GABRQ: variants seen among roughly 807,000 people sequenced by gnomAD.
GABRQ encodes the protein gamma-aminobutyric acid receptor subunit theta.
GABRQ carries 19 observed loss-of-function variants against 30.5 expected under a neutral mutation model. The ratio of observed to expected loss-of-function variants is 0.62; its 90% confidence interval spans 0.43 to 0.91. The LOEUF (loss-of-function observed/expected upper bound fraction) is 0.91. Among genes scored for constraint, GABRQ ranks in the 40% least tolerant of loss-of-function variants. The pLI, the probability that GABRQ is intolerant of heterozygous loss-of-function variation, is 0.00. For missense variants in GABRQ, 520 were observed against 521.4 expected, an observed-to-expected ratio of 1.00 and a Z score of 0.03; for synonymous variants, 187 against 210.2, an observed-to-expected ratio of 0.89 and a Z score of 0.95.
chrX:152,639,239 T>C (rs782245692), intron 1 of GABRQ, among the ~76,000 whole-genome samples: 1 of 98,961 alleles, frequency 1.0e-5, no homozygotes, highest in Non-Finnish European at 2.0e-5. Flanking sequence ...TTTTTAACAA[T>C]GTTTAAATGG....
At position 152,652,734 on chromosome X, in the gene GABRQ, G is replaced by A; in HGVS notation, c.1352G>A (p.Ser451Asn). Residue 451 changes from serine to asparagine, a missense_variant, in exon 9 of 9, where the codon AGC becomes AAC. Physicochemically the swap from Ser to Asn is conservative, Grantham distance 46. Coordinates refer to ENST00000598523, the MANE Select transcript of GABRQ (RefSeq NM_018558.4). ...CCCCTGGCCACTGGAGAAAGCCTGAGCGATCTCCCCTCCACCTCAGAGCAG... is the reference window on the plus strand; with the variant it reads ...CCCCTGGCCACTGGAGAAAGCCTGAACGATCTCCCCTCCACCTCAGAGCAG... ...QAPLATGESL[S>N]DLPSTSEQAR... The A allele has an allele frequency of 8.3e-7, 1 of 1,211,621 alleles. No homozygotes were observed. The highest frequency in any genetic ancestry group is 1.1e-6 in the Non-Finnish European group (1 of 894,983).
At chrX:152,641,237 C>G (rs1314741891) in intron 2 of GABRQ, among the ~76,000 whole-genome samples, 1 of 111,959 alleles carries the variant, frequency 8.9e-6, no homozygotes, top group Non-Finnish European at 1.9e-5. Context: ...GACAGGCAAC[C>G]TACCCTGACC....
intron 8 of GABRQ, among the ~76,000 whole-genome samples, chrX:152,652,139 T>C (rs1931038136): frequency 8.9e-6 from 1 of 112,703 alleles, no homozygotes; most frequent in Admixed American, 9.3e-5. Flanking sequence ...CTGGCCTACC[T>C]ACCCCTCCTT....
chrX:152,640,288 T>G, intron 1 of GABRQ, 90 bp from the exon 2 acceptor site: 1 of 575,721 alleles, frequency 1.7e-6, no homozygotes, highest in Admixed American at 2.2e-5. Flanking sequence ...TGTCTGCGTA[T>G]GTGCTGGAGA....
rs1931096153 is a variant in GABRQ at position 152,653,935 on chromosome X, G to A, written c.*654G>A. On this transcript the variant is annotated 3_prime_UTR_variant, in exon 9 of 9. Transcript: ENST00000598523. ...GTGGTGTTTTGATGCAAGCGTGGAA[G>A]GGGAATGTGGGTGGATGGGGCTGCA... 8.9e-6 allele frequency: 1 copy of A among 111,767 alleles called. No individual in the cohort carries two copies. Among genetic ancestry groups the A allele is most frequent in the Non-Finnish European group, 1.9e-5 (1 of 53,147 alleles). The allele number at this position is 111,767 out of a possible 1,213,427, so 9.2% of individuals were successfully genotyped here. A position where few individuals can be genotyped will look rare whatever the true frequency, so the allele number is the denominator to read the frequency against.
At chrX:152,649,050 T>C (rs1930954478) in intron 4 of GABRQ, among the ~76,000 whole-genome samples, 1 of 112,515 alleles carries the variant, frequency 8.9e-6, no homozygotes, top group African/African-American at 3.2e-5. Flanking sequence ...TGCAGTTTTC[T>C]GAGGTGCCAT....
chrX:152,640,264 C>T (rs1449308408), intron 1 of GABRQ, 114 bp from the exon 2 acceptor site: 3 of 544,021 alleles, frequency 5.5e-6, no homozygotes, highest in South Asian at 2.4e-5. Context: ...AGTGTGTACA[C>T]GTATGACTGG....
At chrX:152,658,456 C>A (rs1470657183), downstream of GABRQ, among the ~76,000 whole-genome samples, 3 of 112,256 alleles carry the variant, frequency 2.7e-5, no homozygotes, top group African/African-American at 9.7e-5. Context: ...AGGGCTCCCC[C>A]ATGTGGTCAC....
intron 2 of GABRQ, among the ~76,000 whole-genome samples, chrX:152,643,848 G>T (rs1453821973): frequency 4.5e-5 from 5 of 111,663 alleles, no homozygotes; most frequent in Non-Finnish European, 1.9e-5. Context: ...ACATTAGCAT[G>T]CTCACATACA....
intron 2 of GABRQ, among the ~76,000 whole-genome samples, chrX:152,644,606 A>G (rs1930841718): frequency 8.9e-6 from 1 of 112,337 alleles, no homozygotes; most frequent in East Asian, 2.8e-4. Context: ...TAGTTCACAG[A>G]CATGAACATG....
intron 2 of GABRQ, among the ~76,000 whole-genome samples, chrX:152,645,211 G>A (rs1602819119): frequency 8.9e-6 from 1 of 112,375 alleles, no homozygotes; most frequent in Non-Finnish European, 1.9e-5. Context: ...CTGCTTTGGG[G>A]CTCGTTGCTT....
chrX:152,645,128 CAT>C (rs1173546470), intron 2 of GABRQ, among the ~76,000 whole-genome samples: 13 of 111,109 alleles, frequency 1.2e-4, no homozygotes, highest in Non-Finnish European at 3.8e-5. Flanking sequence ...CACAGACACA[CAT>C]GTGCTCCCAC....
rs1556818208 is a variant in GABRQ at position 152,640,435 on chromosome X, A to G, written c.207A>G (p.Arg69=). 1.7e-6 allele frequency: 2 copies of G among 1,196,548 alleles called. No homozygotes were observed. The highest frequency in any genetic ancestry group is 1.7e-5 in the African/African-American group (1 of 57,454). ...VQKILDRVLS[R]YDVRLRPNFG... ...AGATTTTGGACAGGGTGCTGTCAAG[A>G]TACGATGTCCGCCTGAGACCGAATT... Residue 69 remains arginine, a synonymous_variant, in exon 2 of 9, where the codon AGA becomes AGG. Coordinates refer to ENST00000598523, the MANE Select transcript of GABRQ (RefSeq NM_018558.4).
chrX:152,649,785 T>A lies in GABRQ; in HGVS notation c.654T>A (p.Asn218Lys). ...VEDIILFWDD[N>K]GNAIHMTEEL... The stretch of plus-strand genomic sequence containing the variant: ...ACATCATATTATTCTGGGATGACAA[T>A]GGGAACGCCATCCACATGACTGAGG... The change falls in exon 6 of 9, where the codon AAT (asparagine) becomes AAA (lysine). Residue 218 changes from asparagine (N) to lysine (K), a missense_variant. Transcript: ENST00000598523. The A allele has an allele frequency of 8.5e-7, 1 of 1,181,903 alleles. No homozygotes were observed. Among genetic ancestry groups the A allele is most frequent in the Non-Finnish European group, 1.2e-6 (1 of 868,564 alleles).
chrX:152,642,368 A>G (rs1288857280), intron 2 of GABRQ, among the ~76,000 whole-genome samples: 7 of 112,285 alleles, frequency 6.2e-5, no homozygotes, highest in African/African-American at 1.9e-4. Context: ...CTCCACATGC[A>G]GAGGCCTCAC....
At chrX:152,640,173 G>GGC (rs1930720364) in intron 1 of GABRQ, among the ~76,000 whole-genome samples, 1 of 110,597 alleles carries the variant, frequency 9.0e-6, no homozygotes, top group African/African-American at 3.3e-5. Flanking sequence ...GGGAAGGTGG[G>GGC]GGGGGGAGGA....
intron 7 of GABRQ, among the ~76,000 whole-genome samples, chrX:152,650,928 G>C (rs1931006187): frequency 9.0e-6 from 1 of 111,678 alleles, no homozygotes; most frequent in Non-Finnish European, 1.9e-5. Flanking sequence ...TCTGGGACAG[G>C]AGCTGAGGAG....
chrX:152,651,908 A>AAC, intron 8 of GABRQ, 126 bp downstream of exon 8: 4 of 553,669 alleles, frequency 7.2e-6, no homozygotes, highest in Non-Finnish European at 1.2e-5. Flanking sequence ...GCACACGCAA[A>AAC]ACACACACAC....
chrX:152,644,937 A>G (rs181104230), intron 2 of GABRQ, among the ~76,000 whole-genome samples: 61 of 112,247 alleles, frequency 5.4e-4, no homozygotes, highest in African/African-American at 1.9e-3. Context: ...ACACATTCAC[A>G]TGCTCACAGA....
Sources: allele counts gnomAD v4.1 joint callset (sites outside exome capture counted in the v4.1 genomes callset), GRCh38; gene constraint gnomAD v4.1.1; transcripts MANE v1.5; gene names NCBI Gene and HGNC (gene_info 2026-07-23, HGNC 2026-07-21).